Variants in CDC42BPA observed in about 807,000 individuals in gnomAD.
CDC42BPA encodes the protein serine/threonine-protein kinase MRCK alpha.
A neutral mutation model predicts 223.5 loss-of-function variants in CDC42BPA; 80 were observed. The observed-to-expected ratio is 0.36, with a 90% CI of 0.30 to 0.43. The LOEUF is 0.43. Among genes scored for constraint, CDC42BPA ranks in the 20% least tolerant of loss-of-function variants. The pLI is 1.00. For synonymous variants in CDC42BPA, 694 were observed against 718.6 expected (o/e 0.97, Z 0.55); for missense variants, 1,743 against 2,099.9 (o/e 0.83, Z 3.32).
chr1:227,020,693 T>C (rs548071535), intron 32 of CDC42BPA, among the ~76,000 whole-genome samples: 1 of 152,346 alleles, frequency 6.6e-6, no homozygotes, highest in South Asian at 2.1e-4. Context: ...GTAACAGCAA[T>C]AAGGTTGTTT....
intron 21 of CDC42BPA, among the ~76,000 whole-genome samples, chr1:227,065,955 C>G (rs907930480): frequency 1.3e-5 from 2 of 152,068 alleles, no homozygotes; most frequent in African/African-American, 2.4e-5. Context: ...TCTATAGCAA[C>G]GAGACAGAAA....
At chr1:227,137,975 T>C (rs1443212034) in intron 10 of CDC42BPA, among the ~76,000 whole-genome samples, 1 of 152,132 alleles carries the variant, frequency 6.6e-6, no homozygotes, top group Non-Finnish European at 1.5e-5. Context: ...ATTAGGCTTA[T>C]ACTTAAAAGT....
intron 3 of CDC42BPA, 65 bp downstream of exon 3, chr1:227,213,071 G>A: frequency 1.2e-6 from 1 of 852,550 alleles, no homozygotes; most frequent in Non-Finnish European, 1.8e-6. Context: ...GAGCTCTATG[G>A]AATTTTATAA....
At chr1:227,264,122 T>C (rs569627854) in intron 1 of CDC42BPA, among the ~76,000 whole-genome samples, 16 of 152,236 alleles carry the variant, frequency 1.1e-4, no homozygotes, top group East Asian at 1.9e-4. Context: ...TTTGAATATA[T>C]AATCCACAGG....
At chr1:227,141,381 C>T (rs1374564840) in intron 9 of CDC42BPA, among the ~76,000 whole-genome samples, 1 of 152,080 alleles carries the variant, frequency 6.6e-6, no homozygotes. Context: ...TAGAAATGAT[C>T]TGATGATGCA....
chr1:227,114,017 C>CAAAAAAA (rs374913161), intron 12 of CDC42BPA, among the ~76,000 whole-genome samples: 1 of 120,292 alleles, frequency 8.3e-6, no homozygotes, highest in African/African-American at 3.3e-5. Flanking sequence ...GACTCCAACT[C>CAAAAAAA]AAAAAAAAAG....
intron 2 of CDC42BPA, among the ~76,000 whole-genome samples, chr1:227,253,609 T>TAAATACATACATACAC (rs1402724351): frequency 2.6e-5 from 3 of 113,922 alleles, no homozygotes; most frequent in African/African-American, 9.3e-5. Flanking sequence ...AATAAATAAA[T>TAAATACATACATACAC]ACATACATAC....
intron 2 of CDC42BPA, among the ~76,000 whole-genome samples, chr1:227,243,756 T>TCACACACA (rs5781477): frequency 2.9e-4 from 43 of 146,664 alleles, no homozygotes; most frequent in South Asian, 1.1e-3. Context: ...AAAAGATTTG[T>TCACACACA]CACACACACA....
intron 5 of CDC42BPA, among the ~76,000 whole-genome samples, chr1:227,173,493 A>T (rs1404012521): frequency 6.6e-6 from 1 of 152,150 alleles, no homozygotes; most frequent in Non-Finnish European, 1.5e-5. Flanking sequence ...TCTGGAAAGG[A>T]CTGGAGACTA....
intron 9 of CDC42BPA, among the ~76,000 whole-genome samples, chr1:227,140,487 A>C (rs1309913391): frequency 2.0e-5 from 3 of 152,138 alleles, no homozygotes; most frequent in African/African-American, 7.2e-5. Flanking sequence ...GAATGTTCCA[A>C]GCAGATGAAA....
chr1:227,102,556 G>A lies in CDC42BPA; in HGVS notation c.2002-1317C>T, dbSNP rs115807110. The stretch of plus-strand genomic sequence containing the variant: ...TTCTGTTTATTGTGATGACTGTTGG[G>A]ATGGCAGCAGCATGTACAGTAAGTT... On this transcript the variant is annotated intron_variant, in intron 14 of 36. Coordinates refer to ENST00000366766, the MANE Select transcript of CDC42BPA (RefSeq NM_001394014.1). 6.0e-3 allele frequency among the ~76,000 whole-genome samples: 908 copies of A among 152,168 alleles called. 10 individuals are homozygous for A. Among genetic ancestry groups the A allele is most frequent in the African/African-American group, 0.021 (854 of 41,522 alleles).
intron 30 of CDC42BPA, among the ~76,000 whole-genome samples, chr1:227,027,663 C>T (rs1668514564): frequency 6.6e-6 from 1 of 152,232 alleles, no homozygotes; most frequent in Non-Finnish European, 1.5e-5. Flanking sequence ...TTACACTCTA[C>T]TGCAACTACT....
At chr1:227,045,114 C>T (rs931894345) in intron 23 of CDC42BPA, among the ~76,000 whole-genome samples, 1 of 152,206 alleles carries the variant, frequency 6.6e-6, no homozygotes, top group African/African-American at 2.4e-5. Context: ...GACCTCATGT[C>T]TCTCTTTCCT....
chr1:227,202,584 T>C (rs1671971099), intron 3 of CDC42BPA, among the ~76,000 whole-genome samples: 1 of 152,150 alleles, frequency 6.6e-6, no homozygotes, highest in South Asian at 2.1e-4. Context: ...CTTTGAGTTC[T>C]AATCTATGCT....
At chr1:227,132,489 A>ACG (rs1657367622) in intron 10 of CDC42BPA, among the ~76,000 whole-genome samples, 1 of 106,086 alleles carries the variant, frequency 9.4e-6, no homozygotes, top group African/African-American at 3.6e-5. Context: ...TACAACATCT[A>ACG]CCTCCCAGCC....
chr1:227,230,115 T>C (rs963811005), intron 2 of CDC42BPA, among the ~76,000 whole-genome samples: 4 of 152,216 alleles, frequency 2.6e-5, no homozygotes, highest in Admixed American at 2.0e-4. Context: ...AAGTTATGTT[T>C]TTCCTGCCTA....
At chr1:227,270,192 A>G (rs1375281479) in intron 1 of CDC42BPA, among the ~76,000 whole-genome samples, 1 of 152,234 alleles carries the variant, frequency 6.6e-6, no homozygotes, top group Non-Finnish European at 1.5e-5. Context: ...AAGCAGTCAC[A>G]TAAACAATGT....
At chr1:227,067,511 T>C (rs1005751953) in intron 21 of CDC42BPA, among the ~76,000 whole-genome samples, 2 of 152,180 alleles carry the variant, frequency 1.3e-5, no homozygotes, top group Admixed American at 1.3e-4. Context: ...TATGGAAATA[T>C]CATATTGAAT....
intron 1 of CDC42BPA, among the ~76,000 whole-genome samples, chr1:227,268,652 GTA>G (rs774492052): frequency 4.4e-4 from 61 of 138,644 alleles, no homozygotes; most frequent in Non-Finnish European, 6.8e-4. Context: ...TAGTGTGTGT[GTA>G]TATATATATA....
Sources: gnomAD v4.1 joint callset for allele counts (sites outside exome capture counted in the v4.1 genomes callset) on GRCh38, gnomAD v4.1.1 for gene constraint, MANE v1.5 for transcripts, NCBI Gene and HGNC (gene_info 2026-07-23, HGNC 2026-07-21) for gene names.